CEP192: variants seen among roughly 807,000 people sequenced by gnomAD.
CEP192 encodes the protein centrosomal protein of 192 kDa.
In CEP192, 151 loss-of-function variants were observed where a neutral mutation model predicts 271.8. The ratio of observed to expected loss-of-function variants is 0.56; its 90% CI spans 0.49 to 0.64. The LOEUF (loss-of-function observed/expected upper bound fraction) is 0.64. CEP192 is among the 30% of genes least tolerant of loss of function. The probability of loss-of-function intolerance (pLI) is 0.00; values close to 1 mark genes in which losing one functional copy is unlikely to be tolerated. For missense variants in CEP192, 2,910 were observed against 3,020.5 expected (o/e 0.96, Z 0.86); for synonymous variants, 995 against 1,076.5 (o/e 0.92, Z 1.48).
chr18:13,003,556 G>A (rs1311713658), intron 3 of CEP192, among the ~76,000 whole-genome samples: 1 of 152,002 alleles, frequency 6.6e-6, no homozygotes, highest in African/African-American at 2.4e-5. Context: ...GGTGCGGCCA[G>A]CCTGAAGGAA....
intron 33 of CEP192, among the ~76,000 whole-genome samples, chr18:13,090,595 AT>A (rs2039094126): frequency 1.3e-5 from 2 of 152,156 alleles, no homozygotes; most frequent in South Asian, 4.1e-4. Flanking sequence ...TGAACTTTTC[AT>A]TAAGTGGGGG....
intron 30 of CEP192, among the ~76,000 whole-genome samples, chr18:13,081,873 A>G (rs2038628842): frequency 6.6e-6 from 1 of 152,222 alleles, no homozygotes; most frequent in African/African-American, 2.4e-5. Flanking sequence ...CCCAGTAGTC[A>G]TTCAGGAGCA....
At chr18:13,086,920 T>C (rs1202397373) in intron 30 of CEP192, 97 bp from the exon 31 acceptor site, 16 of 812,336 alleles carry the variant, frequency 2.0e-5, no homozygotes, top group Non-Finnish European at 2.9e-5. Context: ...AAATTTTTAA[T>C]TGTATTAAAT....
chr18:13,075,031 C>G (rs1210693621), intron 30 of CEP192, among the ~76,000 whole-genome samples: 1 of 152,204 alleles, frequency 6.6e-6, no homozygotes, highest in Non-Finnish European at 1.5e-5. Flanking sequence ...ATGCTGTAAT[C>G]TGAATGTGTC....
At chr18:13,021,312 C>T (rs1205456456) in intron 9 of CEP192, among the ~76,000 whole-genome samples, 2 of 152,186 alleles carry the variant, frequency 1.3e-5, no homozygotes, top group Admixed American at 6.5e-5. Context: ...AAGGGTCTAA[C>T]TAACATCATT....
Position 13,095,692 on chromosome 18 carries a change from C to G in CEP192, c.6433+11C>G, listed in dbSNP as rs747022302. ...TAGCTCCTTCTCCTTGTGAGTATGT[C>G]AACTGTGACACCTCAGAGGTGTGTT... On this transcript the variant is annotated intron_variant, in intron 35 of 44. Transcript: ENST00000506447. The G allele has an allele frequency of 6.2e-7, 1 of 1,610,542 alleles. No homozygotes were observed. Among genetic ancestry groups the G allele is most frequent in the East Asian group, 2.2e-5 (1 of 44,844 alleles).
Position 13,086,365 on chromosome 18 carries a change from G to A in CEP192, c.5617-652G>A, listed in dbSNP as rs146261691. Among the ~76,000 whole-genome samples the A allele has an allele frequency of 5.9e-3, 898 of 152,246 alleles. 14 individuals carry two copies. The highest frequency in any genetic ancestry group is 0.021 in the African/African-American group (856 of 41,540). ...ACTTCCTCTCTTCCTATTTGAAGAC[G>A]CTTTATTTCTTTGTCTTGCCTGATT... On this transcript the variant is annotated intron_variant, in intron 30 of 44. Coordinates refer to ENST00000506447, the MANE Select transcript of CEP192 (RefSeq NM_032142.4).
chr18:13,084,817 T>G (rs2038813210), intron 30 of CEP192, among the ~76,000 whole-genome samples: 1 of 147,806 alleles, frequency 6.8e-6, no homozygotes, highest in African/African-American at 2.5e-5. Context: ...TGGTTTTGAT[T>G]TCCTTTTTTT....
chr18:12,999,635 A>G (rs1816556025), intron 2 of CEP192, 47 bp downstream of exon 2: 1 of 1,342,824 alleles, frequency 7.4e-7, no homozygotes. Flanking sequence ...TAAAGCCTAT[A>G]GCATGCTGAT....
At chr18:13,100,806 C>G (rs1323555721) in intron 38 of CEP192, among the ~76,000 whole-genome samples, 1 of 152,184 alleles carries the variant, frequency 6.6e-6, no homozygotes, top group Non-Finnish European at 1.5e-5. Context: ...AATAAGTTAG[C>G]AGATGAAGAA....
chr18:13,049,958 G>C (rs2036688915), intron 17 of CEP192, 67 bp downstream of exon 17: 1 of 988,354 alleles, frequency 1.0e-6, no homozygotes, highest in East Asian at 2.6e-5. Context: ...GGAAAAAAAT[G>C]TGTAAAGAAG....
At chr18:13,026,418 C>T (rs887386381) in intron 9 of CEP192, among the ~76,000 whole-genome samples, 2 of 152,066 alleles carry the variant, frequency 1.3e-5, no homozygotes, top group Non-Finnish European at 2.9e-5. Flanking sequence ...CTGTGAGCTT[C>T]CCGGTATGTG....
intron 38 of CEP192, among the ~76,000 whole-genome samples, 192 bp downstream of exon 38, chr18:13,100,704 T>C (rs1016136357): frequency 6.6e-6 from 1 of 152,242 alleles, no homozygotes; most frequent in Admixed American, 6.5e-5. Context: ...TCTTGGCATT[T>C]ACTAACTCTG....
Position 13,038,416 on chromosome 18 carries a change from C to G in CEP192, c.1646C>G (p.Thr549Arg). ...AHNTSVALGD[T>R]SWGATINYSL... ...AATACTTCGGTTGCACTGGGCGATA[C>G]GTCCTGGGGAGCTACAATTAATTAC... is the stretch of plus-strand genomic sequence containing the variant. The change falls in exon 13 of 45, where the codon ACG (threonine) becomes AGG (arginine). Residue 549 changes from threonine (T) to arginine (R), a missense_variant. By Grantham distance (71) the Thr-to-Arg change is moderately conservative. Coordinates refer to ENST00000506447, the MANE Select transcript of CEP192 (RefSeq NM_032142.4). 6.4e-7 allele frequency: 1 copy of G among 1,551,596 alleles called. No homozygotes were observed. Among genetic ancestry groups the G allele is most frequent in the South Asian group, 1.2e-5 (1 of 84,066 alleles).
intron 21 of CEP192, among the ~76,000 whole-genome samples, chr18:13,063,945 C>T (rs373066050): frequency 5.9e-5 from 9 of 151,698 alleles, no homozygotes; most frequent in South Asian, 2.1e-4. Context: ...CTCAGCCTCC[C>T]GAGTAGCTGG....
At position 13,068,731 on chromosome 18, in the gene CEP192, T is replaced by C. The variant is rs1189478087; in HGVS notation, c.4823-121T>C. On this transcript the variant is annotated intron_variant, in intron 24 of 44. Transcript: ENST00000506447. ...ACTCATTTCTATTCTTTTAACTCTT[T>C]AAAAAATCTGCTTGCCTAAATTTTC... The C allele has an allele frequency of 3.7e-5, 36 of 975,380 alleles. No homozygotes were observed. The South Asian group carries it at 4.9e-4, about 13-fold the overall frequency. 60.4% of individuals were successfully genotyped at this position (975,380 alleles called of 1,614,324 possible).
chr18:13,116,363 T>C lies in CEP192; in HGVS notation c.7290-14T>C, dbSNP rs1355336325. ...ATTTCAGATTCTTAACTTTTACACC[T>C]ATTCCCAAAGCAGGCAGCTTGATGT... is the stretch of plus-strand genomic sequence containing the variant. On this transcript the variant is annotated splice_polypyrimidine_tract_variant and intron_variant, in intron 42 of 44. Coordinates refer to ENST00000506447, the MANE Select transcript of CEP192 (RefSeq NM_032142.4). 2 of 1,610,388 alleles carry C rather than the reference T, an allele frequency of 1.2e-6. No homozygotes were observed. Among genetic ancestry groups the C allele is most frequent in the Non-Finnish European group, 1.7e-6 (2 of 1,178,972 alleles).
rs117880292 is a variant in CEP192, at chr18:13,069,797, A to G, written c.5115A>G (p.Gly1705=). Reference sequence around the variant, plus strand: ...CAAAGAATCTACTCCTTAAACCTGGAGAAGAACATGAGGTTATTGTTTCAT... The same window carrying G: ...CAAAGAATCTACTCCTTAAACCTGGGGAAGAACATGAGGTTATTGTTTCAT... ...VDPKNLLLKP[G]EEHEVIVSFT... is the part of the protein sequence containing the mutation. The change falls in exon 27 of 45, where the codon GGA becomes GGG. Residue 1705 remains glycine (G), a synonymous_variant. Coordinates refer to ENST00000506447, the MANE Select transcript of CEP192 (RefSeq NM_032142.4). 859 of 1,605,796 alleles carry G rather than the reference A, an allele frequency of 5.3e-4. 1 individual carries two copies. The highest frequency in any genetic ancestry group is 7.0e-4 in the Non-Finnish European group (825 of 1,172,680).
chr18:12,998,014 C>T (rs184913980), intron 1 of CEP192, among the ~76,000 whole-genome samples: 255 of 152,268 alleles, frequency 1.7e-3, no homozygotes, highest in Admixed American at 3.6e-3. Flanking sequence ...CATGAGCCAT[C>T]GCACCTGGCC....
Sources: allele counts gnomAD v4.1 joint callset (sites outside exome capture counted in the v4.1 genomes callset), GRCh38; gene constraint gnomAD v4.1.1; transcripts MANE v1.5; gene names NCBI Gene and HGNC (gene_info 2026-07-23, HGNC 2026-07-21).